The following AK5 variants were observed in gnomAD, a reference collection of about 807,000 sequenced individuals.
The protein encoded by AK5 is adenylate kinase isoenzyme 5.
In AK5, 27 loss-of-function variants were observed where a neutral mutation model predicts 69.5. The ratio of observed to expected loss-of-function variants is 0.39; its 90% confidence interval spans 0.29 to 0.54. The LOEUF (loss-of-function observed/expected upper bound fraction) is 0.54, where lower values mean the gene tolerates loss of function less well. Ranked by LOEUF, AK5 falls within the 20% of genes least tolerant of loss-of-function variation. The pLI is 0.71. For missense variants in AK5, 531 were observed against 700.4 expected (o/e 0.76, Z 2.73); for synonymous variants, 260 against 244.4 (o/e 1.06, Z -0.60).
chr1:77,470,842 TATATATATATATATATATA>T (rs1654419203), intron 8 of AK5, among the ~76,000 whole-genome samples: 3 of 1,052 alleles, frequency 2.9e-3, no homozygotes, highest in African/African-American at 3.8e-3. Flanking sequence ...TATATATATA[TATATATATATATATATATA>T]TATATATATA....
chr1:77,496,528 A>G (rs563135950), intron 10 of AK5, among the ~76,000 whole-genome samples: 2 of 152,146 alleles, frequency 1.3e-5, no homozygotes, highest in Admixed American at 6.5e-5. Context: ...GAGACAGTTG[A>G]GGTGAAAAAA....
intron 6 of AK5, among the ~76,000 whole-genome samples, chr1:77,357,408 A>G (rs1662592911): frequency 6.6e-6 from 1 of 152,230 alleles, no homozygotes; most frequent in Non-Finnish European, 1.5e-5. Context: ...AACCTCTCAT[A>G]TCACATGAGT....
chr1:77,533,498 G>T (rs1357847571), intron 12 of AK5, among the ~76,000 whole-genome samples: 1 of 109,594 alleles, frequency 9.1e-6, no homozygotes. Flanking sequence ...TGCAGAGCAA[G>T]ACTCTGTCAC....
chr1:77,440,129 G>A (rs12747320), intron 8 of AK5, among the ~76,000 whole-genome samples: 1 of 152,038 alleles, frequency 6.6e-6, no homozygotes, highest in Non-Finnish European at 1.5e-5. Context: ...GCTTCCAGGT[G>A]TAGGGCTCCC....
At chr1:77,500,307 C>G (rs1035641784) in intron 10 of AK5, among the ~76,000 whole-genome samples, 3 of 152,094 alleles carry the variant, frequency 2.0e-5, no homozygotes, top group Non-Finnish European at 4.4e-5. Context: ...TAAAGTAGCA[C>G]ACGGTTTCCG....
intron 6 of AK5, among the ~76,000 whole-genome samples, chr1:77,367,071 G>A (rs1474767324): frequency 6.6e-6 from 1 of 152,078 alleles, no homozygotes; most frequent in Non-Finnish European, 1.5e-5. Flanking sequence ...AACTTGTGAG[G>A]TGTATTAAAG....
In AK5 at chr1:77,331,737, A is replaced by G. The variant is rs77442852; in HGVS notation, c.700-8640A>G. ...GGTAGCCTCATAAAATGAATTGGAA[A>G]ATATTCCCTTTTTTTGGTATTTTAC... On this transcript the variant is annotated intron_variant, in intron 5 of 13. Coordinates refer to ENST00000354567, the MANE Select transcript of AK5 (RefSeq NM_174858.3). 5.4e-3 allele frequency among the ~76,000 whole-genome samples: 824 copies of G among 152,220 alleles called. 39 individuals are homozygous for G. In the East Asian group the frequency reaches 0.11, roughly 20 times the overall value.
At chr1:77,465,541 T>A (rs968116476) in intron 8 of AK5, among the ~76,000 whole-genome samples, 21 of 152,222 alleles carry the variant, frequency 1.4e-4, no homozygotes, top group African/African-American at 4.8e-4. Flanking sequence ...TGCTGCATAC[T>A]GGGCTGAATG....
chr1:77,348,354 A>G (rs913892689), intron 6 of AK5, among the ~76,000 whole-genome samples: 2 of 152,150 alleles, frequency 1.3e-5, no homozygotes, highest in Non-Finnish European at 2.9e-5. Context: ...TGTCCTTGCG[A>G]TAGTTTGCTG....
chr1:77,430,161 A>G (rs978352120), intron 8 of AK5, among the ~76,000 whole-genome samples: 9 of 152,080 alleles, frequency 5.9e-5, no homozygotes, highest in East Asian at 3.8e-4. Context: ...CAAGGCATCT[A>G]TGGAGTCCAG....
At chr1:77,343,620 A>G (rs1348943783) in intron 6 of AK5, among the ~76,000 whole-genome samples, 2 of 152,188 alleles carry the variant, frequency 1.3e-5, no homozygotes, top group African/African-American at 4.8e-5. Context: ...GACTTTCTGC[A>G]GGTTACTTAT....
chr1:77,439,110 C>G (rs922888449), intron 8 of AK5, among the ~76,000 whole-genome samples: 4 of 152,262 alleles, frequency 2.6e-5, no homozygotes, highest in African/African-American at 9.6e-5. Flanking sequence ...GATCTCACTT[C>G]TGACACCATT....
intron 13 of AK5, among the ~76,000 whole-genome samples, chr1:77,550,317 A>G (rs925592016): frequency 1.4e-4 from 21 of 152,304 alleles, no homozygotes; most frequent in African/African-American, 4.8e-4. Context: ...AAGACCTCAT[A>G]CATTCTGATT....
chr1:77,332,312 A>G (rs1661131172), intron 5 of AK5, among the ~76,000 whole-genome samples: 1 of 151,570 alleles, frequency 6.6e-6, no homozygotes, highest in Non-Finnish European at 1.5e-5. Flanking sequence ...CCCCTTAGCT[A>G]TAATATGCTT....
chr1:77,553,832 C>A (rs567853292), intron 13 of AK5, among the ~76,000 whole-genome samples: 1 of 152,288 alleles, frequency 6.6e-6, no homozygotes, highest in African/African-American at 2.4e-5. Flanking sequence ...CCTCCCTCCT[C>A]CCAGCGTTTG....
At chr1:77,538,763 T>C (rs1659121072) in intron 13 of AK5, among the ~76,000 whole-genome samples, 1 of 152,074 alleles carries the variant, frequency 6.6e-6, no homozygotes. Context: ...AGTTGGAAAA[T>C]CCCTCTTAGC....
chr1:77,347,264 C>T (rs1490449761), intron 6 of AK5, among the ~76,000 whole-genome samples: 2 of 152,180 alleles, frequency 1.3e-5, no homozygotes, highest in Non-Finnish European at 2.9e-5. Flanking sequence ...TGGCACAAAA[C>T]CTGATGCTGA....
At chr1:77,413,802 C>T (rs1353455961) in intron 7 of AK5, among the ~76,000 whole-genome samples, 1 of 152,154 alleles carries the variant, frequency 6.6e-6, no homozygotes, top group Non-Finnish European at 1.5e-5. Context: ...TACTTCTTCT[C>T]TCTTCTCCTT....
intron 13 of AK5, among the ~76,000 whole-genome samples, chr1:77,540,150 C>A (rs551267458): frequency 6.6e-6 from 1 of 152,286 alleles, no homozygotes; most frequent in Admixed American, 6.5e-5. Flanking sequence ...AAATTTCAAA[C>A]AAAGATAATT....
Sources: gnomAD v4.1 joint callset for allele counts (sites outside exome capture counted in the v4.1 genomes callset) on GRCh38, gnomAD v4.1.1 for gene constraint, MANE v1.5 for transcripts, NCBI Gene and HGNC (gene_info 2026-07-23, HGNC 2026-07-21) for gene names.